Variants in CFAP99 observed in about 807,000 individuals in gnomAD.
CFAP99 encodes the protein cilia and flagella associated protein 99, also known as cilia- and flagella-associated protein 99.
In CFAP99, 84 loss-of-function variants were observed where a neutral mutation model predicts 82.7. The ratio of observed to expected loss-of-function variants is 1.02; its 90% confidence interval spans 0.85 to 1.22. The LOEUF (loss-of-function observed/expected upper bound fraction) is 1.22, where lower values mean the gene tolerates loss of function less well. Among genes scored for constraint, CFAP99 ranks in the 50% most tolerant of loss-of-function variants. The pLI is 0.00. For missense variants in CFAP99, 1,059 were observed against 983.5 expected (o/e 1.08, Z -1.03); for synonymous variants, 456 against 429.5 (o/e 1.06, Z -0.76).
chr4:2,450,822 G>T, intron 8 of CFAP99, 125 bp from the exon 9 acceptor site: 2 of 732,526 alleles, frequency 2.7e-6, no homozygotes, highest in Non-Finnish European at 4.7e-6. Flanking sequence ...GGGCAGCTGG[G>T]GGGAGGATGA....
chr4:2,443,980 A>G (rs1286851602), intron 5 of CFAP99, among the ~76,000 whole-genome samples: 1 of 152,100 alleles, frequency 6.6e-6, no homozygotes, highest in Admixed American at 6.5e-5. Flanking sequence ...CTAAGGACAG[A>G]CAGACAGGCT....
At chr4:2,449,104 C>T (rs1392604460) in intron 6 of CFAP99, among the ~76,000 whole-genome samples, 2 of 152,040 alleles carry the variant, frequency 1.3e-5, no homozygotes, top group Admixed American at 6.5e-5. Context: ...GGTAATACAG[C>T]AGTCTGGAGC....
At chr4:2,434,121 C>G (rs1578467956) in intron 2 of CFAP99, among the ~76,000 whole-genome samples, 2 of 152,188 alleles carry the variant, frequency 1.3e-5, no homozygotes, top group African/African-American at 4.8e-5. Context: ...GCAAGGTTGG[C>G]AGGGGCAGGC....
intron 4 of CFAP99, among the ~76,000 whole-genome samples, chr4:2,440,472 C>G (rs893762544): frequency 7.0e-6 from 1 of 142,268 alleles, no homozygotes; most frequent in Admixed American, 7.0e-5. Context: ...GCTGAACAGG[C>G]GGGGCATGGT....
intron 2 of CFAP99, 110 bp downstream of exon 2, chr4:2,426,696 G>A (rs937047338): frequency 2.8e-6 from 2 of 714,584 alleles, no homozygotes; most frequent in Non-Finnish European, 4.8e-6. Context: ...CTTCCACATG[G>A]GGAGAAGCTG....
chr4:2,430,697 C>T (rs57815860), intron 2 of CFAP99, among the ~76,000 whole-genome samples: 19,028 of 151,906 alleles, frequency 0.13, 1,253 homozygotes, highest in Non-Finnish European at 0.15. Context: ...GTTACTAGGA[C>T]ATCTGGGGAA....
chr4:2,426,305 CTGT>C (rs57779771), intron 1 of CFAP99, among the ~76,000 whole-genome samples, 151 bp from the exon 2 acceptor site: 25,124 of 152,020 alleles, frequency 0.17, 2,294 homozygotes, highest in African/African-American at 0.24. Context: ...CTCCCCACTG[CTGT>C]AGGCCCGGCA....
chr4:2,459,131 G>A (rs1460123049), exon 13 of CFAP99: 3 of 1,531,294 alleles, frequency 2.0e-6, no homozygotes, highest in Non-Finnish European at 2.6e-6. Flanking sequence ...GAGGAGAGCA[G>A]GGGGCTGCTG....
At position 2,459,205 on chromosome 4, in the gene CFAP99, C is replaced by T. The variant is rs766774539; in HGVS notation, c.1402C>T (p.Arg468Cys). The T allele has an allele frequency of 7.6e-5, 116 of 1,535,692 alleles. 1 individual carries two copies. The East Asian group carries it at 9.0e-4, about 12-fold the overall frequency. Residue 468 changes from arginine (R) to cysteine (C), a missense_variant, in exon 13 of 15, where the codon CGC (arginine) becomes TGC (cysteine). Coordinates refer to ENST00000635017, the Ensembl canonical transcript of CFAP99. ...CCGTTGTGAACTCATCTCCCAGCTG[C>T]GCGCACTCGAGACACAGCCCACGCG...
intron 4 of CFAP99, among the ~76,000 whole-genome samples, 188 bp downstream of exon 4, chr4:2,438,352 TC>T (rs1340386457): frequency 6.6e-6 from 1 of 152,142 alleles, no homozygotes; most frequent in Admixed American, 6.5e-5. Flanking sequence ...AAACTCTGCC[TC>T]CCGGGTTCAT....
At position 2,462,115 on chromosome 4, in the gene CFAP99, C is replaced by A; in HGVS notation, c.1662-328C>A. 5.2e-6 allele frequency: 1 copy of A among 192,958 alleles called. No homozygotes were observed. Among genetic ancestry groups the A allele is most frequent in the Non-Finnish European group, 1.1e-5 (1 of 95,206 alleles). The allele number at this position is 192,958 out of a possible 1,614,324, so 12.0% of individuals were successfully genotyped here. A position where few individuals can be genotyped will look rare whatever the true frequency, so the allele number is the denominator to read the frequency against. ...AAGGCTGCAGTGAGCCATGATCGCG[C>A]CACTGCACTCCAGCCTGGGCGACAG... On this transcript the variant is annotated intron_variant, in intron 14 of 14. Transcript: ENST00000635017. The surrounding 1 kb of genome is among the most constrained non-coding windows in gnomAD (Gnocchi z 4.1).
At chr4:2,441,706 C>G (rs571379945) in intron 4 of CFAP99, among the ~76,000 whole-genome samples, 12 of 152,334 alleles carry the variant, frequency 7.9e-5, no homozygotes, top group Non-Finnish European at 1.3e-4. Flanking sequence ...CACCCCATGC[C>G]CCGCTGGGCC....
intron 4 of CFAP99, among the ~76,000 whole-genome samples, chr4:2,440,249 C>T (rs1157829519): frequency 7.0e-6 from 1 of 143,882 alleles, no homozygotes; most frequent in Non-Finnish European, 1.5e-5. Context: ...CGGGTTCACG[C>T]CATTCTCCTG....
intron 10 of CFAP99, among the ~76,000 whole-genome samples, chr4:2,451,563 A>G (rs978511334): frequency 1.3e-5 from 2 of 152,134 alleles, no homozygotes; most frequent in African/African-American, 4.8e-5. Context: ...AGTGAGGGGC[A>G]TGAATGGGGC....
intron 1 of CFAP99, among the ~76,000 whole-genome samples, chr4:2,425,044 A>G (rs540754104): frequency 6.6e-6 from 1 of 152,212 alleles, no homozygotes; most frequent in Non-Finnish European, 1.5e-5. Flanking sequence ...TTTTCTACTC[A>G]GGGAGATTTC....
chr4:2,455,671 A>ATC lies in CFAP99; in HGVS notation c.1162-3052_1162-3051insTC, dbSNP rs1435351858. Among the ~76,000 whole-genome samples the ATC allele has an allele frequency of 2.6e-5, 4 of 152,340 alleles. No homozygotes were observed. The East Asian group carries it at 5.8e-4, about 22-fold the overall frequency. ...GCTATTGCATTCCAGCTTGGGTGAC[A>ATC]GAGTGAGACCGTCTCAAATAAAAAA... On this transcript the variant is annotated intron_variant, in intron 11 of 14. Coordinates refer to ENST00000635017, the Ensembl canonical transcript of CFAP99.
chr4:2,426,324 G>C (rs922770069), intron 1 of CFAP99, 135 bp from the exon 2 acceptor site: 4 of 642,304 alleles, frequency 6.2e-6, no homozygotes, highest in African/African-American at 5.4e-5. Context: ...CGGCACCCTA[G>C]CCAGGGCCCC....
At chr4:2,419,457 T>A (rs548851688) in intron 1 of CFAP99, among the ~76,000 whole-genome samples, 2 of 152,242 alleles carry the variant, frequency 1.3e-5, no homozygotes, top group East Asian at 3.9e-4. Context: ...GAGGCCGGCG[T>A]GCCCTGGCTG....
chr4:2,427,589 CCG>C (rs1560377010), intron 2 of CFAP99: 1 of 152,386 alleles, frequency 6.6e-6, no homozygotes, highest in Non-Finnish European at 1.5e-5. Flanking sequence ...GCCCTCTGTG[CCG>C]CTGTGCTCTG....
Sources: allele counts gnomAD v4.1 joint callset (sites outside exome capture counted in the v4.1 genomes callset), GRCh38; gene constraint gnomAD v4.1.1; non-coding constraint Gnocchi (gnomAD v3.1); transcripts MANE v1.5; gene names NCBI Gene and HGNC (gene_info 2026-07-23, HGNC 2026-07-21).